Variants in NXN observed in about 807,000 individuals in gnomAD.
NXN encodes nucleoredoxin.
NXN carries 16 observed loss-of-function variants against 48.6 expected under a neutral mutation model. That is an observed-to-expected ratio of 0.33 (90% CI 0.22 to 0.50). The LOEUF is 0.50. NXN is among the 20% of genes least tolerant of loss of function. The probability of loss-of-function intolerance (pLI) is 0.98; values close to 1 mark genes in which losing one functional copy is unlikely to be tolerated. For missense variants in NXN, 492 were observed against 605.5 expected, an observed-to-expected ratio of 0.81 and a Z score of 1.97; for synonymous variants, 281 against 269.6, an observed-to-expected ratio of 1.04 and a Z score of -0.41.
At chr17:873,082 T>C (rs889952143) in intron 1 of NXN, among the ~76,000 whole-genome samples, 6 of 152,220 alleles carry the variant, frequency 3.9e-5, no homozygotes, top group Non-Finnish European at 8.8e-5. Context: ...GGGACACCCG[T>C]CTTCCTCTGC....
At chr17:842,515 T>C (rs1914386931) in intron 1 of NXN, 2 of 985,398 alleles carry the variant, frequency 2.0e-6, no homozygotes, top group Non-Finnish European at 2.4e-6. Context: ...GCGTCTCACA[T>C]GCAACCCACC....
At chr17:948,706 C>G (rs975130640) in intron 1 of NXN, among the ~76,000 whole-genome samples, 1 of 151,806 alleles carries the variant, frequency 6.6e-6, no homozygotes, top group Non-Finnish European at 1.5e-5. Flanking sequence ...GGGGCCTCAC[C>G]CCGGCCCGTC....
intron 1 of NXN, among the ~76,000 whole-genome samples, chr17:962,465 C>T (rs2069249123): frequency 6.6e-6 from 1 of 151,918 alleles, no homozygotes; most frequent in Non-Finnish European, 1.5e-5. Context: ...TCCAGGAGTT[C>T]GAGACCAGCC....
At position 895,696 on chromosome 17, in the gene NXN, T is replaced by C. The variant is rs1279116506; in HGVS notation, c.361-69618A>G. Among the ~76,000 whole-genome samples the C allele has an allele frequency of 2.7e-5, 4 of 149,590 alleles. No homozygotes were observed. In the South Asian group the frequency reaches 6.5e-4, roughly 24 times the overall value. On this transcript the variant is annotated intron_variant, in intron 1 of 7. Coordinates refer to ENST00000336868, the MANE Select transcript of NXN (RefSeq NM_022463.5). ...AGCCAGGCGTGGTGGTGGGCACCTG[T>C]AGTCCCAGCTACTCGGGAGGCTGAG...
chr17:925,935 C>A (rs770969501), intron 1 of NXN, among the ~76,000 whole-genome samples: 1 of 152,224 alleles, frequency 6.6e-6, no homozygotes, highest in East Asian at 1.9e-4. Context: ...GCTATCACTT[C>A]TTTAGATAAT....
chr17:934,436 ACT>A (rs1397181974), intron 1 of NXN, among the ~76,000 whole-genome samples: 11 of 144,740 alleles, frequency 7.6e-5, no homozygotes, highest in African/African-American at 2.8e-4. Context: ...ACACAACGAG[ACT>A]CTGTCTCAAA....
chr17:829,404 C>A (rs992853667), intron 1 of NXN, among the ~76,000 whole-genome samples: 1 of 151,876 alleles, frequency 6.6e-6, no homozygotes, highest in Non-Finnish European at 1.5e-5. Context: ...ATCCGCCCAC[C>A]TCGGCCTCCC....
chr17:850,832 G>A (rs961993289), intron 1 of NXN, among the ~76,000 whole-genome samples: 2 of 152,120 alleles, frequency 1.3e-5, no homozygotes, highest in Non-Finnish European at 1.5e-5. Flanking sequence ...TGCCGTTGGC[G>A]GACACTCCCC....
At chr17:808,468 A>G (rs1483176108) in intron 5 of NXN, among the ~76,000 whole-genome samples, 1 of 151,042 alleles carries the variant, frequency 6.6e-6, no homozygotes, top group Admixed American at 6.6e-5. Context: ...ACACCCAGAT[A>G]ATTTTTAGTA....
chr17:900,690 T>C (rs1168851007), intron 1 of NXN, among the ~76,000 whole-genome samples: 2 of 152,036 alleles, frequency 1.3e-5, no homozygotes, highest in Admixed American at 6.6e-5. Context: ...AGCACTTTAT[T>C]AGAAAGCCAA....
intron 1 of NXN, among the ~76,000 whole-genome samples, chr17:916,791 C>T (rs936112578): frequency 2.6e-5 from 4 of 152,020 alleles, no homozygotes; most frequent in Non-Finnish European, 5.9e-5. Flanking sequence ...CCAGCCACTT[C>T]GGGGGCTGAG....
intron 1 of NXN, among the ~76,000 whole-genome samples, chr17:963,459 C>T (rs193229907): frequency 2.3e-3 from 356 of 152,038 alleles, no homozygotes; most frequent in Non-Finnish European, 3.5e-3. Context: ...AACATCAGTC[C>T]GGTGTGGTGG....
chr17:923,533 T>A (rs1317535209), intron 1 of NXN, among the ~76,000 whole-genome samples: 1 of 152,044 alleles, frequency 6.6e-6, no homozygotes, highest in African/African-American at 2.4e-5. Context: ...CAAACAAAAA[T>A]TTTTAATTAA....
intron 1 of NXN, among the ~76,000 whole-genome samples, chr17:960,345 C>G (rs541234461): frequency 6.6e-6 from 1 of 152,050 alleles, no homozygotes; most frequent in African/African-American, 2.4e-5. Context: ...AACTTTTAAC[C>G]GCCAACCCTT....
At chr17:842,572 TG>T (rs1914391510) in intron 1 of NXN, 2 of 984,168 alleles carry the variant, frequency 2.0e-6, no homozygotes, top group African/African-American at 1.8e-5. Flanking sequence ...CCGAGACACG[TG>T]GGGGCCCGTC....
chr17:811,305 C>G lies in NXN; in HGVS notation c.821-6058G>C, dbSNP rs551719496. 2.0e-5 allele frequency among the ~76,000 whole-genome samples: 3 copies of G among 152,360 alleles called. No individual in the cohort carries two copies. In the East Asian group the frequency reaches 5.8e-4, roughly 29 times the overall value. ...GAAGGTTGGGCCACGGGAGCCAAACCAGACAGGGCCCCTGGCCTAAGAGAG... is the reference window on the plus strand; with the variant it reads ...GAAGGTTGGGCCACGGGAGCCAAACGAGACAGGGCCCCTGGCCTAAGAGAG... On this transcript the variant is annotated intron_variant, in intron 5 of 7. Transcript: ENST00000336868.
intron 1 of NXN, among the ~76,000 whole-genome samples, chr17:895,885 G>A (rs1244427288): frequency 1.3e-5 from 2 of 152,174 alleles, no homozygotes; most frequent in Admixed American, 6.5e-5. Flanking sequence ...TATCTTCCAA[G>A]GTGAATCTTT....
chr17:937,136 C>T (rs1299948069), intron 1 of NXN, among the ~76,000 whole-genome samples: 1 of 152,040 alleles, frequency 6.6e-6, no homozygotes, highest in Non-Finnish European at 1.5e-5. Flanking sequence ...GCACCCAGCA[C>T]CACGCCCGGC....
chr17:922,144 T>A (rs921085699), intron 1 of NXN, among the ~76,000 whole-genome samples: 2 of 152,098 alleles, frequency 1.3e-5, no homozygotes, highest in Non-Finnish European at 2.9e-5. Flanking sequence ...GGATATGACT[T>A]AAAGCTGTAA....
Sources: allele counts gnomAD v4.1 joint callset (sites outside exome capture counted in the v4.1 genomes callset), GRCh38; gene constraint gnomAD v4.1.1; transcripts MANE v1.5; gene names NCBI Gene and HGNC (gene_info 2026-07-23, HGNC 2026-07-21).